PEX5L: variants seen among roughly 807,000 people sequenced by gnomAD.
The protein encoded by PEX5L is peroxisomal biogenesis factor 5 like, also known as PEX5-related protein.
In PEX5L, 30 loss-of-function variants were observed where a neutral mutation model predicts 84.0. That is an observed-to-expected ratio of 0.36 (90% CI 0.27 to 0.48). The LOEUF (loss-of-function observed/expected upper bound fraction) is 0.48, where lower values mean the gene tolerates loss of function less well. Ranked by LOEUF, PEX5L falls within the 20% of genes least tolerant of loss-of-function variation. The pLI is 0.99. For synonymous variants in PEX5L, 270 were observed against 283.1 expected (o/e 0.95, Z 0.46); for missense variants, 533 against 754.6 (o/e 0.71, Z 3.44).
intron 3 of PEX5L, among the ~76,000 whole-genome samples, chr3:179,897,485 C>CT (rs200431612): frequency 0.011 from 1,732 of 152,118 alleles, 36 homozygotes; most frequent in African/African-American, 0.04. Context: ...CAAATGAAGA[C>CT]TTTTTTCTAT....
chr3:179,804,290 T>C (rs1325408109), intron 14 of PEX5L: 1 of 152,136 alleles, frequency 6.6e-6, no homozygotes, highest in Non-Finnish European at 1.5e-5. Flanking sequence ...TTTCAAATGT[T>C]TCACACATGT....
At chr3:179,879,474 T>C (rs535931490) in intron 5 of PEX5L, among the ~76,000 whole-genome samples, 3 of 152,334 alleles carry the variant, frequency 2.0e-5, no homozygotes, top group South Asian at 4.1e-4. Context: ...CTAGGCATTG[T>C]AACCCACCAT....
At chr3:179,903,855 T>G (rs1166105402) in intron 2 of PEX5L, among the ~76,000 whole-genome samples, 1 of 152,212 alleles carries the variant, frequency 6.6e-6, no homozygotes. Context: ...ACAGAATGTT[T>G]TGTAAGTTTT....
intron 4 of PEX5L, among the ~76,000 whole-genome samples, chr3:179,884,097 T>G (rs897816358): frequency 6.6e-6 from 1 of 152,204 alleles, no homozygotes; most frequent in African/African-American, 2.4e-5. Context: ...ATTTTACATA[T>G]GAGAAACTTG....
At chr3:179,895,385 T>C (rs1032676073) in intron 3 of PEX5L, among the ~76,000 whole-genome samples, 24 of 152,236 alleles carry the variant, frequency 1.6e-4, no homozygotes, top group African/African-American at 5.5e-4. Flanking sequence ...AGAGAAACTT[T>C]TTTTCCTCAA....
chr3:180,023,771 C>CAGAGAG (rs139045124), intron 1 of PEX5L, among the ~76,000 whole-genome samples: 9 of 102,812 alleles, frequency 8.8e-5, no homozygotes, highest in South Asian at 2.5e-4. Flanking sequence ...CGCACACACA[C>CAGAGAG]AGAGAGAGAG....
chr3:179,822,863 G>C (rs1349159287), intron 8 of PEX5L, among the ~76,000 whole-genome samples: 1 of 152,204 alleles, frequency 6.6e-6, no homozygotes, highest in African/African-American at 2.4e-5. Context: ...GGGATATGCA[G>C]CATGGTGGTT....
chr3:179,886,860 G>A (rs139750846), intron 4 of PEX5L, among the ~76,000 whole-genome samples: 88 of 152,324 alleles, frequency 5.8e-4, no homozygotes, highest in South Asian at 4.6e-3. Flanking sequence ...GACAGTATGT[G>A]ATTATCCTTT....
rs1293575120 is a variant in PEX5L, at chr3:179,889,439, C to T, written c.199-1655G>A. 2.6e-5 allele frequency among the ~76,000 whole-genome samples: 4 copies of T among 152,196 alleles called. No homozygotes were observed. In the South Asian group the frequency reaches 6.2e-4, roughly 24 times the overall value. ...TTAAACATGTGTAAATCTCAGATGT[C>T]CATTAGAGTTTAAGATTTCAATATA... On this transcript the variant is annotated intron_variant, in intron 3 of 14. Coordinates refer to ENST00000467460, the MANE Select transcript of PEX5L (RefSeq NM_016559.3).
At chr3:179,983,786 G>T (rs1300019056) in intron 1 of PEX5L, among the ~76,000 whole-genome samples, 1 of 152,040 alleles carries the variant, frequency 6.6e-6, no homozygotes, top group African/African-American at 2.4e-5. Flanking sequence ...TAGAGATTTA[G>T]AAACTTGAAT....
chr3:179,970,367 G>T (rs1784420990), intron 2 of PEX5L, among the ~76,000 whole-genome samples: 1 of 152,046 alleles, frequency 6.6e-6, no homozygotes, highest in Non-Finnish European at 1.5e-5. Flanking sequence ...TAAAGTGATA[G>T]TTAATAGCCC....
At chr3:179,994,883 G>A (rs116078038) in intron 1 of PEX5L, among the ~76,000 whole-genome samples, 6,208 of 151,882 alleles carry the variant, frequency 0.041, 417 homozygotes, top group African/African-American at 0.14. Context: ...CTTGGACATC[G>A]GACTCCAAGT....
chr3:180,004,295 T>C (rs1788678671), intron 1 of PEX5L, among the ~76,000 whole-genome samples: 1 of 152,216 alleles, frequency 6.6e-6, no homozygotes, highest in African/African-American at 2.4e-5. Flanking sequence ...TTTCACAGTT[T>C]CATATTCAAA....
intron 8 of PEX5L, among the ~76,000 whole-genome samples, chr3:179,823,253 T>A (rs1315774224): frequency 1.3e-5 from 2 of 152,188 alleles, no homozygotes; most frequent in Non-Finnish European, 2.9e-5. Context: ...ATCTTTCCCT[T>A]CCATCTAATT....
chr3:179,964,367 C>A (rs1579055189), intron 2 of PEX5L, among the ~76,000 whole-genome samples: 1 of 152,082 alleles, frequency 6.6e-6, no homozygotes, highest in African/African-American at 2.4e-5. Flanking sequence ...CTAGGAAATA[C>A]TATTCTGGAC....
intron 2 of PEX5L, among the ~76,000 whole-genome samples, chr3:179,965,248 A>G (rs375273001): frequency 2.6e-5 from 4 of 152,216 alleles, no homozygotes; most frequent in East Asian, 3.9e-4. Flanking sequence ...CCAACTCACC[A>G]TTCAGGAGGC....
chr3:179,809,783 T>A (rs1723017189), intron 11 of PEX5L, 115 bp from the exon 12 acceptor site: 1 of 707,128 alleles, frequency 1.4e-6, no homozygotes, highest in Non-Finnish European at 2.3e-6. Flanking sequence ...TTGGTAAGCT[T>A]GCTTATGTCA....
chr3:180,018,475 C>T (rs1790132642), intron 1 of PEX5L, among the ~76,000 whole-genome samples: 2 of 152,144 alleles, frequency 1.3e-5, no homozygotes, highest in Admixed American at 1.3e-4. Context: ...GTCCTTCTGA[C>T]TTGACAATGC....
chr3:180,004,896 A>G (rs1171178374), intron 1 of PEX5L, among the ~76,000 whole-genome samples: 1 of 152,134 alleles, frequency 6.6e-6, no homozygotes, highest in Non-Finnish European at 1.5e-5. Flanking sequence ...AGAATTAGTT[A>G]AAAATTGAGC....
Sources: gnomAD v4.1 joint callset for allele counts (sites outside exome capture counted in the v4.1 genomes callset) on GRCh38, gnomAD v4.1.1 for gene constraint, MANE v1.5 for transcripts, NCBI Gene and HGNC (gene_info 2026-07-23, HGNC 2026-07-21) for gene names.